KCNQ5: variants seen among roughly 807,000 people sequenced by gnomAD.
The protein encoded by KCNQ5 is potassium voltage-gated channel subfamily KQT member 5.
A neutral mutation model predicts 98.2 loss-of-function variants in KCNQ5; 30 were observed. The observed-to-expected ratio is 0.31, with a 90% CI of 0.23 to 0.41. KCNQ5 has a LOEUF of 0.41. KCNQ5 is among the 10% of genes least tolerant of loss of function. The pLI is 1.00. For missense variants in KCNQ5, 835 were observed against 1,182.5 expected (o/e 0.71, Z 4.31); for synonymous variants, 458 against 449.4 (o/e 1.02, Z -0.24).
intron 7 of KCNQ5, among the ~76,000 whole-genome samples, chr6:73,116,130 T>G (rs1001756064): frequency 1.3e-5 from 2 of 152,100 alleles, no homozygotes; most frequent in East Asian, 3.8e-4. Flanking sequence ...AAAACTTGTA[T>G]AAGAAAGAAA....
intron 1 of KCNQ5, among the ~76,000 whole-genome samples, chr6:72,710,356 T>C (rs979085801): frequency 2.0e-5 from 3 of 152,132 alleles, no homozygotes; most frequent in Admixed American, 2.0e-4. Context: ...GATTAAATTA[T>C]CCAATCAAAA....
At chr6:72,743,566 C>T (rs1191923164) in intron 1 of KCNQ5, among the ~76,000 whole-genome samples, 1 of 152,064 alleles carries the variant, frequency 6.6e-6, no homozygotes, top group Non-Finnish European at 1.5e-5. Flanking sequence ...GTGACCATAC[C>T]AAGATTATGC....
chr6:72,881,961 G>T (rs1022077277), intron 1 of KCNQ5, among the ~76,000 whole-genome samples: 2 of 152,288 alleles, frequency 1.3e-5, no homozygotes, highest in Non-Finnish European at 2.9e-5. Flanking sequence ...AAAGTGCTGG[G>T]ATTACAAGCG....
intron 1 of KCNQ5, among the ~76,000 whole-genome samples, chr6:72,878,224 T>G (rs1778498942): frequency 1.3e-5 from 2 of 152,146 alleles, no homozygotes; most frequent in Non-Finnish European, 2.9e-5. Flanking sequence ...GAGCCGAGAT[T>G]GCGCCACTGC....
intron 1 of KCNQ5, among the ~76,000 whole-genome samples, chr6:72,728,031 T>C (rs1179870942): frequency 6.6e-6 from 1 of 152,210 alleles, no homozygotes; most frequent in South Asian, 2.1e-4. Flanking sequence ...TCTGCTAGTG[T>C]ACTTCTGCTA....
At chr6:73,046,048 C>T (rs922455056) in intron 3 of KCNQ5, among the ~76,000 whole-genome samples, 4 of 152,078 alleles carry the variant, frequency 2.6e-5, no homozygotes, top group Middle Eastern at 3.4e-3. Flanking sequence ...TTATTAAAAT[C>T]GACCACATGG....
chr6:73,019,452 CTGAT>C (rs1770490520), intron 2 of KCNQ5, among the ~76,000 whole-genome samples: 1 of 152,134 alleles, frequency 6.6e-6, no homozygotes, highest in South Asian at 2.1e-4. Flanking sequence ...ACACTATATT[CTGAT>C]TGATAATGCA....
chr6:73,074,923 A>G (rs906694330), intron 3 of KCNQ5, among the ~76,000 whole-genome samples: 5 of 152,138 alleles, frequency 3.3e-5, no homozygotes, highest in African/African-American at 1.2e-4. Flanking sequence ...TACACTTGGG[A>G]GAAAGCAAGA....
At chr6:72,671,148 C>T (rs527352011) in intron 1 of KCNQ5, among the ~76,000 whole-genome samples, 6 of 152,244 alleles carry the variant, frequency 3.9e-5, no homozygotes, top group Admixed American at 3.3e-4. Context: ...AAGATGAAAG[C>T]GTTCTCTCAG....
chr6:72,987,640 G>T (rs538847657), intron 1 of KCNQ5: 37 of 608,586 alleles, frequency 6.1e-5, no homozygotes, highest in African/African-American at 5.8e-4. Flanking sequence ...CTGTGACCGG[G>T]CCATGAGCTG....
intron 1 of KCNQ5, among the ~76,000 whole-genome samples, chr6:72,624,348 G>T (rs1328334930): frequency 6.6e-6 from 1 of 151,970 alleles, no homozygotes; most frequent in African/African-American, 2.4e-5. Flanking sequence ...TACTGTATAG[G>T]TTATGATTTT....
At chr6:72,635,004 T>G (rs574478909) in intron 1 of KCNQ5, among the ~76,000 whole-genome samples, 3 of 152,188 alleles carry the variant, frequency 2.0e-5, no homozygotes, top group South Asian at 2.1e-4. Context: ...CTTATATTGA[T>G]TATCTGAATA....
At chr6:72,729,527 C>T (rs957875929) in intron 1 of KCNQ5, among the ~76,000 whole-genome samples, 2 of 152,180 alleles carry the variant, frequency 1.3e-5, no homozygotes, top group African/African-American at 4.8e-5. Context: ...CTCAGGTGAT[C>T]CTCCTTGCTG....
chr6:72,741,732 A>G (rs754180965), intron 1 of KCNQ5, among the ~76,000 whole-genome samples: 2 of 152,210 alleles, frequency 1.3e-5, no homozygotes, highest in Non-Finnish European at 2.9e-5. Flanking sequence ...TAGCTGATGT[A>G]TGAATTAAGA....
intron 8 of KCNQ5, among the ~76,000 whole-genome samples, chr6:73,123,801 A>G (rs1274144870): frequency 1.3e-5 from 2 of 152,200 alleles, no homozygotes; most frequent in Non-Finnish European, 1.5e-5. Context: ...TTTGGAGATT[A>G]TCTAACCTAA....
intron 1 of KCNQ5, among the ~76,000 whole-genome samples, chr6:72,811,047 A>C (rs1048998714): frequency 6.6e-6 from 1 of 152,072 alleles, no homozygotes; most frequent in African/African-American, 2.4e-5. Flanking sequence ...CTTGCCTAAA[A>C]CTCATGCATG....
At chr6:72,964,038 C>T (rs1767496522) in intron 1 of KCNQ5, among the ~76,000 whole-genome samples, 3 of 152,070 alleles carry the variant, frequency 2.0e-5, no homozygotes. Flanking sequence ...TGTTTGAGGT[C>T]TCACAATTTT....
rs1157045531 is a variant in KCNQ5, at chr6:73,111,388, T to C, written c.1110T>C (p.Ala370=). ...QKHFEKRRNP[A]ANLIQCVWRS... is the part of the protein sequence containing the mutation. Reference sequence around the variant, plus strand: ...ACTTTGAGAAAAGAAGGAACCCAGCTGCCAACCTCATTCAGGTAAATGTCA... The same window carrying C: ...ACTTTGAGAAAAGAAGGAACCCAGCCGCCAACCTCATTCAGGTAAATGTCA... The change falls in exon 7 of 14, where the codon GCT becomes GCC. Residue 370 remains alanine (A), a synonymous_variant. Coordinates refer to ENST00000370398, the MANE Select transcript of KCNQ5 (RefSeq NM_019842.4). 1 of 1,609,582 alleles carries C rather than the reference T, an allele frequency of 6.2e-7. No homozygotes were observed. Among genetic ancestry groups the C allele is most frequent in the Non-Finnish European group, 8.5e-7 (1 of 1,178,360 alleles).
At chr6:72,939,334 G>A (rs562321263) in intron 1 of KCNQ5, among the ~76,000 whole-genome samples, 3 of 152,272 alleles carry the variant, frequency 2.0e-5, no homozygotes, top group East Asian at 1.9e-4. Context: ...CCTTCCACTC[G>A]GAGTAAGTCT....
Sources: gnomAD v4.1 joint callset for allele counts (sites outside exome capture counted in the v4.1 genomes callset) on GRCh38, gnomAD v4.1.1 for gene constraint, MANE v1.5 for transcripts, NCBI Gene and HGNC (gene_info 2026-07-23, HGNC 2026-07-21) for gene names.